The following DNAJC16 variants were observed in gnomAD, a reference collection of about 807,000 sequenced individuals.
The protein encoded by DNAJC16 is DnaJ heat shock protein family (Hsp40) member C16, also known as dnaJ homolog subfamily C member 16.
In DNAJC16, 76 loss-of-function variants were observed where a neutral mutation model predicts 92.7. The observed-to-expected ratio is 0.82, with a 90% CI of 0.68 to 0.99. The LOEUF is 0.99. Ranked by LOEUF, DNAJC16 falls within the 50% of genes least tolerant of loss-of-function variation. The probability of loss-of-function intolerance (pLI) is 0.00; values close to 1 mark genes in which losing one functional copy is unlikely to be tolerated. For synonymous variants in DNAJC16, 328 were observed against 358.7 expected (o/e 0.91, Z 0.97); for missense variants, 869 against 942.4 (o/e 0.92, Z 1.02).
At chr1:15,544,349 C>A (rs374095244) in intron 4 of DNAJC16, 50 bp from the exon 5 acceptor site, 7 of 1,515,502 alleles carry the variant, frequency 4.6e-6, no homozygotes, top group Non-Finnish European at 6.2e-6. Context: ...CTTTTTCCAG[C>A]TGCCATGGAG....
At chr1:15,546,645 T>C (rs370787603) in intron 5 of DNAJC16, 122 bp from the exon 6 acceptor site, 8 of 695,872 alleles carry the variant, frequency 1.1e-5, no homozygotes, top group African/African-American at 1.1e-4. Context: ...AGATTAGTTA[T>C]CTGCATTTTT....
intron 4 of DNAJC16, 32 bp downstream of exon 4, chr1:15,536,846 A>G (rs1710802428): frequency 3.2e-6 from 5 of 1,549,816 alleles, no homozygotes; most frequent in Middle Eastern, 3.5e-4. Flanking sequence ...AAAGATATTT[A>G]TATAGATGAC....
chr1:15,544,319 C>T, intron 4 of DNAJC16, 80 bp from the exon 5 acceptor site: 1 of 1,405,912 alleles, frequency 7.1e-7, no homozygotes, highest in Non-Finnish European at 9.5e-7. Context: ...TTCAATTTCA[C>T]ACCAAAAAAT....
chr1:15,555,126 C>G (rs1315863071), intron 7 of DNAJC16, among the ~76,000 whole-genome samples: 1 of 147,396 alleles, frequency 6.8e-6, no homozygotes, highest in South Asian at 2.2e-4. Context: ...CTGTAATCCT[C>G]GTACTTTTGG....
At chr1:15,556,339 A>G (rs1638572068) in intron 7 of DNAJC16, among the ~76,000 whole-genome samples, 1 of 151,884 alleles carries the variant, frequency 6.6e-6, no homozygotes, top group Non-Finnish European at 1.5e-5. Context: ...GGTTCAAGTA[A>G]TTCTCCTGCC....
chr1:15,544,813 T>C (rs191898893), intron 5 of DNAJC16, among the ~76,000 whole-genome samples: 1 of 152,310 alleles, frequency 6.6e-6, no homozygotes, highest in East Asian at 1.9e-4. Context: ...TAATTCCTAT[T>C]AATACCCATC....
rs1638760479 is a variant in DNAJC16, at chr1:15,564,288, T to C, written c.1527T>C (p.Phe509=). The C allele has an allele frequency of 1.2e-6, 2 of 1,607,396 alleles. No individual in the cohort carries two copies. Among genetic ancestry groups the C allele is most frequent in the Admixed American group, 1.7e-5 (1 of 59,992 alleles). Residue 509 remains phenylalanine, a synonymous_variant, in exon 11 of 15, where the codon TTT becomes TTC. Coordinates refer to ENST00000375847, the MANE Select transcript of DNAJC16 (RefSeq NM_015291.4). ...TCCATTTTCTCTCTACATAGGTTTT[T>C]CTCCTTCGATGGTTCTACTCTGCTT... ...PDLTDELAPV[F]LLRWFYSASD... is the part of the protein sequence containing the mutation.
At position 15,534,242 on chromosome 1, in the gene DNAJC16, C is replaced by T. The variant is rs1353865803; in HGVS notation, c.173C>T (p.Pro58Leu). Residue 58 changes from proline (P) to leucine (L), a missense_variant, in exon 3 of 15, where the codon CCT becomes CTT. Physicochemically the swap from Pro to Leu is moderately conservative, Grantham distance 98. Coordinates refer to ENST00000375847, the MANE Select transcript of DNAJC16 (RefSeq NM_015291.4). ...CCTGCCTGTTTGTGTTTCAGGCATC[C>T]TGACAAAAACAAAGATCCTGGAGCA... ...AYKKLAREWH[P>L]DKNKDPGAED... The T allele has an allele frequency of 6.2e-7, 1 of 1,613,740 alleles. No individual in the cohort carries two copies. The highest frequency in any genetic ancestry group is 8.5e-7 in the Non-Finnish European group (1 of 1,179,902).
chr1:15,559,839 G>A (rs956821825), intron 8 of DNAJC16, among the ~76,000 whole-genome samples, 183 bp downstream of exon 8: 3 of 151,964 alleles, frequency 2.0e-5, no homozygotes, highest in South Asian at 4.1e-4. Flanking sequence ...CGAGGAGGGC[G>A]GATCATCTGA....
chr1:15,559,849 A>C (rs11583040), intron 8 of DNAJC16, among the ~76,000 whole-genome samples, 193 bp downstream of exon 8: 41,439 of 151,726 alleles, frequency 0.27, 6,477 homozygotes, highest in African/African-American at 0.42. Flanking sequence ...GGATCATCTG[A>C]GGTCCGGAGT....
rs1324933542 is a variant in DNAJC16 at position 15,564,070 on chromosome 1, T to C, written c.1480T>C (p.Ser494Pro). 3.1e-6 allele frequency: 5 copies of C among 1,613,824 alleles called. No individual in the cohort carries two copies. Among genetic ancestry groups the C allele is most frequent in the Non-Finnish European group, 4.2e-6 (5 of 1,179,654 alleles). The change falls in exon 10 of 15, where the codon TCT becomes CCT. Residue 494 changes from serine (S) to proline (P), a missense_variant. Coordinates refer to ENST00000375847, the MANE Select transcript of DNAJC16 (RefSeq NM_015291.4). ...QLRKDPALLS[S>P]EAVLPDLTDE... ...GCGTAAAGATCCAGCTCTTCTGTCC[T>C]CTGAAGCAGTGCTTCCTGACCTGAC... is the stretch of plus-strand genomic sequence containing the variant.
intron 3 of DNAJC16, among the ~76,000 whole-genome samples, chr1:15,536,072 CTTTTTTTTT>C (rs758451008): frequency 1.2e-5 from 1 of 84,612 alleles, no homozygotes; most frequent in Non-Finnish European, 2.3e-5. Flanking sequence ...CTTTTCTTTT[CTTTTTTTTT>C]TTTTTTTTTG....
intron 4 of DNAJC16, 106 bp from the exon 5 acceptor site, chr1:15,544,293 C>T: frequency 8.9e-7 from 1 of 1,118,180 alleles, no homozygotes; most frequent in Non-Finnish European, 1.3e-6. Context: ...AAAGACATCT[C>T]CTATGAGGTC....
chr1:15,564,436 T>C (rs544409137), intron 11 of DNAJC16, 77 bp downstream of exon 11: 15 of 984,616 alleles, frequency 1.5e-5, no homozygotes, highest in Non-Finnish European at 2.1e-5. Context: ...AAAGAGTTCA[T>C]CATTATTAAA....
intron 7 of DNAJC16, among the ~76,000 whole-genome samples, chr1:15,548,965 A>G (rs1638379021): frequency 6.6e-6 from 1 of 152,244 alleles, no homozygotes; most frequent in East Asian, 1.9e-4. Context: ...TAAAATTCTG[A>G]GAAGACTAAT....
Position 15,567,169 on chromosome 1 carries a change from C to T in DNAJC16, c.1849C>T (p.Arg617Cys), listed in dbSNP as rs527426893. The T allele has an allele frequency of 1.5e-5, 24 of 1,614,084 alleles. No individual in the cohort carries two copies. The highest frequency in any genetic ancestry group is 4.5e-5 in the East Asian group (2 of 44,890). ...TDVTYTSNLV[R>C]LRPGHMNVVL... The stretch of plus-strand genomic sequence containing the variant: ...TGTAACATACACCAGTAACTTGGTA[C>T]GTCTGAGGCCAGGCCACATGAATGT... Residue 617 changes from arginine to cysteine, a missense_variant, in exon 14 of 15, where the codon CGT becomes TGT. Physicochemically the swap from Arg to Cys is radical, Grantham distance 180 (BLOSUM62 -3). Transcript: ENST00000375847.
rs148700636 is a variant in DNAJC16, at chr1:15,566,082, C to T, written c.1680C>T (p.Ser560=). ...LFGTVIVQAF[S]DSNDERESSP... ...TAAAACTCCTTTTTTCTTACTTTAGCGACTCTAATGATGAGCGAGAGTCAA... is the reference window on the plus strand; with the variant it reads ...TAAAACTCCTTTTTTCTTACTTTAGTGACTCTAATGATGAGCGAGAGTCAA... Residue 560 remains serine (S), a splice_region_variant and synonymous_variant, in exon 13 of 15, where the codon AGC becomes AGT. Transcript: ENST00000375847. The T allele has an allele frequency of 5.7e-5, 92 of 1,613,076 alleles. No homozygotes were observed. In the African/African-American group the frequency reaches 6.2e-4, roughly 11 times the overall value.
chr1:15,541,018 A>G (rs554378205), intron 4 of DNAJC16, among the ~76,000 whole-genome samples: 2 of 152,352 alleles, frequency 1.3e-5, no homozygotes, highest in South Asian at 4.1e-4. Flanking sequence ...TCCACTGCAC[A>G]CAAACCATGA....
At chr1:15,553,837 C>T (rs1638507561) in intron 7 of DNAJC16, among the ~76,000 whole-genome samples, 1 of 152,084 alleles carries the variant, frequency 6.6e-6, no homozygotes, top group Admixed American at 6.6e-5. Flanking sequence ...TATCTTGTAT[C>T]TGGTTTCTCT....
Sources: allele counts gnomAD v4.1 joint callset (sites outside exome capture counted in the v4.1 genomes callset), GRCh38; gene constraint gnomAD v4.1.1; transcripts MANE v1.5; gene names NCBI Gene and HGNC (gene_info 2026-07-23, HGNC 2026-07-21).